The following MTUS2 variants were observed in gnomAD, a reference collection of about 807,000 sequenced individuals.
The protein encoded by MTUS2 is microtubule-associated tumor suppressor candidate 2.
Under a neutral mutation model 114.1 loss-of-function variants are expected in MTUS2, and 40 were observed. The observed-to-expected ratio is 0.35, with a 90% confidence interval of 0.27 to 0.46. The LOEUF (loss-of-function observed/expected upper bound fraction) is 0.46, where lower values mean the gene tolerates loss of function less well. Ranked by LOEUF, MTUS2 falls within the 20% of genes least tolerant of loss-of-function variation. The pLI, the probability that MTUS2 is intolerant of heterozygous loss-of-function variation, is 1.00. For synonymous variants in MTUS2, 688 were observed against 672.0 expected (o/e 1.02, Z -0.37); for missense variants, 1,679 against 1,705.4 (o/e 0.98, Z 0.27).
chr13:28,986,833 T>G (rs930566175), intron 2 of MTUS2, among the ~76,000 whole-genome samples: 30 of 152,146 alleles, frequency 2.0e-4, no homozygotes, highest in African/African-American at 6.8e-4. Flanking sequence ...ATAATTAAAT[T>G]AAGAATTTAA....
rs951680137 is a variant in MTUS2, at chr13:29,480,597, T to G, written c.3399+233T>G. On this transcript the variant is annotated intron_variant, in intron 10 of 15. Coordinates refer to ENST00000612955, the MANE Select transcript of MTUS2 (RefSeq NM_001033602.4). The surrounding 1 kb of genome is among the most constrained non-coding windows in gnomAD (Gnocchi z 4.4). ...TTGCTGTGCCCTCTGCCTGGAATGC[T>G]CTCCCTCTAGACAGTGCATGGCTGC... Among the ~76,000 whole-genome samples, 2 of 152,172 alleles carry G rather than the reference T, an allele frequency of 1.3e-5. No individual in the cohort carries two copies. The highest frequency in any genetic ancestry group is 2.4e-5 in the African/African-American group (1 of 41,442).
At chr13:28,995,761 T>C (rs1011800303) in intron 2 of MTUS2, among the ~76,000 whole-genome samples, 4 of 152,254 alleles carry the variant, frequency 2.6e-5, no homozygotes, top group Non-Finnish European at 1.5e-5. Flanking sequence ...CCTGAGACTT[T>C]GCTGAAGTTG....
intron 9 of MTUS2, among the ~76,000 whole-genome samples, chr13:29,454,615 A>G (rs1250969033): frequency 6.6e-6 from 1 of 152,196 alleles, no homozygotes; most frequent in Admixed American, 6.5e-5. Context: ...GGCCGTAGCA[A>G]GGAAACGCAG....
At chr13:29,361,035 C>T (rs1164268481) in intron 8 of MTUS2, among the ~76,000 whole-genome samples, 5 of 152,200 alleles carry the variant, frequency 3.3e-5, no homozygotes, top group Admixed American at 3.3e-4. Context: ...TTTTAGGCCC[C>T]ACTTTTGGGA....
chr13:29,146,030 G>T (rs186956000), intron 5 of MTUS2, among the ~76,000 whole-genome samples: 2 of 152,240 alleles, frequency 1.3e-5, no homozygotes, highest in Non-Finnish European at 2.9e-5. Context: ...TTCTGTATTT[G>T]TTGTAAACTT....
At chr13:28,824,363 TC>T (rs1874120652) in intron 1 of MTUS2, among the ~76,000 whole-genome samples, 1 of 152,234 alleles carries the variant, frequency 6.6e-6, no homozygotes, top group South Asian at 2.1e-4. Flanking sequence ...AGGATAGGGC[TC>T]TGTCCTCTAG....
At chr13:29,390,989 G>T (rs899973489) in intron 8 of MTUS2, among the ~76,000 whole-genome samples, 2 of 152,060 alleles carry the variant, frequency 1.3e-5, no homozygotes, top group Non-Finnish European at 2.9e-5. Context: ...CACCATATTG[G>T]TCGGGCTGGT....
rs550155447 is a variant in MTUS2, at chr13:29,139,614, ATC to A, written c.2644+38647_2644+38648del. Among the ~76,000 whole-genome samples, 7 of 152,192 alleles carry A rather than the reference ATC, an allele frequency of 4.6e-5. No homozygotes were observed. In the East Asian group the frequency reaches 1.3e-3, roughly 29 times the overall value. ...ACAAAGAATTTTGTACCCTTTTACT[ATC>A]TCGTTATCTTCACTCTACGGTTTGG... On this transcript the variant is annotated intron_variant, in intron 5 of 15. Coordinates refer to ENST00000612955, the MANE Select transcript of MTUS2 (RefSeq NM_001033602.4).
chr13:29,340,760 T>C (rs143803769), intron 7 of MTUS2, among the ~76,000 whole-genome samples: 329 of 152,348 alleles, frequency 2.2e-3, no homozygotes, highest in Non-Finnish European at 3.7e-3. Flanking sequence ...TCTAGCAGTG[T>C]ACGTTGCATG....
chr13:28,908,682 G>T (rs1446344368), intron 2 of MTUS2, among the ~76,000 whole-genome samples: 1 of 151,452 alleles, frequency 6.6e-6, no homozygotes, highest in Non-Finnish European at 1.5e-5. Flanking sequence ...GGGTCAAATG[G>T]TATTTCTAGT....
At chr13:29,268,796 C>A (rs1897765132) in intron 5 of MTUS2, among the ~76,000 whole-genome samples, 1 of 152,184 alleles carries the variant, frequency 6.6e-6, no homozygotes. Flanking sequence ...GTTGTGCGAT[C>A]ATAGCTCACT....
intron 8 of MTUS2, among the ~76,000 whole-genome samples, chr13:29,402,402 A>G (rs1180634675): frequency 6.6e-6 from 1 of 152,216 alleles, no homozygotes; most frequent in Non-Finnish European, 1.5e-5. Context: ...GAAGCTGAGA[A>G]AGAGAAAGCA....
At chr13:29,032,363 C>G (rs1302925942) in intron 3 of MTUS2, among the ~76,000 whole-genome samples, 1 of 152,096 alleles carries the variant, frequency 6.6e-6, no homozygotes, top group African/African-American at 2.4e-5. Flanking sequence ...CAGCATATTG[C>G]AATCCTAAAA....
chr13:29,426,960 G>A (rs1418188753), intron 8 of MTUS2, among the ~76,000 whole-genome samples: 7 of 152,118 alleles, frequency 4.6e-5, no homozygotes, highest in Non-Finnish European at 5.9e-5. Context: ...GATTTCAAAA[G>A]CCCTAGGAAC....
chr13:29,367,770 G>C (rs951353819), intron 8 of MTUS2, among the ~76,000 whole-genome samples: 3 of 152,018 alleles, frequency 2.0e-5, no homozygotes, highest in Non-Finnish European at 4.4e-5. Flanking sequence ...GAGAACCTAG[G>C]AATTATGTGC....
In MTUS2 at chr13:29,061,963, T is replaced by G. The variant is rs183794630; in HGVS notation, c.2446+27838T>G. ...TTAGTTCCAGGCTATTTTTTATGAT[T>G]GTTTTACTTTGTTACTGTTTGAAGA... is the stretch of plus-strand genomic sequence containing the variant. On this transcript the variant is annotated intron_variant, in intron 4 of 15. Coordinates refer to ENST00000612955, the MANE Select transcript of MTUS2 (RefSeq NM_001033602.4). Among the ~76,000 whole-genome samples the G allele has an allele frequency of 6.4e-4, 98 of 152,302 alleles. 1 individual carries two copies. The highest frequency in any genetic ancestry group is 5.2e-3 in the Admixed American group (79 of 15,286).
At chr13:29,201,913 C>T (rs1455184996) in intron 5 of MTUS2, among the ~76,000 whole-genome samples, 1 of 152,178 alleles carries the variant, frequency 6.6e-6, no homozygotes, top group Non-Finnish European at 1.5e-5. Context: ...GTAACCTGAC[C>T]TTTGTCTCCG....
chr13:29,217,853 C>T (rs747453315), intron 5 of MTUS2, among the ~76,000 whole-genome samples: 1 of 152,128 alleles, frequency 6.6e-6, no homozygotes. Context: ...TGTCCTGGCT[C>T]ATGTCTGTAA....
At chr13:29,302,000 A>C (rs898454364) in intron 6 of MTUS2, among the ~76,000 whole-genome samples, 1 of 152,164 alleles carries the variant, frequency 6.6e-6, no homozygotes, top group Non-Finnish European at 1.5e-5. Context: ...ATTCACTCTC[A>C]TGATTTAATC....
Sources: allele counts gnomAD v4.1 joint callset (sites outside exome capture counted in the v4.1 genomes callset), GRCh38; gene constraint gnomAD v4.1.1; non-coding constraint Gnocchi (gnomAD v3.1); transcripts MANE v1.5; gene names NCBI Gene and HGNC (gene_info 2026-07-23, HGNC 2026-07-21).